TAPT1: variants seen among roughly 807,000 people sequenced by gnomAD.
TAPT1 encodes transmembrane anterior posterior transformation 1.
In TAPT1, 28 loss-of-function variants were observed where a neutral mutation model predicts 65.6. The observed-to-expected ratio is 0.43, with a 90% confidence interval of 0.32 to 0.59. The LOEUF (loss-of-function observed/expected upper bound fraction) is 0.59. TAPT1 is among the 20% of genes least tolerant of loss of function. The pLI is 0.09. For synonymous variants in TAPT1, 278 were observed against 245.2 expected, an observed-to-expected ratio of 1.13 and a Z score of -1.25; for missense variants, 563 against 679.9, an observed-to-expected ratio of 0.83 and a Z score of 1.91.
intron 3 of TAPT1, 45 bp downstream of exon 3, chr4:16,202,417 A>T (rs1422195480): frequency 1.7e-6 from 2 of 1,179,710 alleles, no homozygotes; most frequent in Admixed American, 2.1e-5. Context: ...TATTAAAAAT[A>T]ATGAAATACT....
At chr4:16,219,339 C>T (rs1023029455) in intron 1 of TAPT1, among the ~76,000 whole-genome samples, 1 of 152,188 alleles carries the variant, frequency 6.6e-6, no homozygotes, top group African/African-American at 2.4e-5. Flanking sequence ...TTTACCTGTG[C>T]TCCCACTGCA....
At chr4:16,222,102 G>A (rs1315353789) in intron 1 of TAPT1, among the ~76,000 whole-genome samples, 1 of 152,196 alleles carries the variant, frequency 6.6e-6, no homozygotes, top group Non-Finnish European at 1.5e-5. Context: ...TTACAAATGA[G>A]AATAGAATAT....
At chr4:16,180,100 T>C (rs1009617029) in intron 7 of TAPT1, among the ~76,000 whole-genome samples, 17 of 152,162 alleles carry the variant, frequency 1.1e-4, no homozygotes, top group Non-Finnish European at 2.2e-4. Flanking sequence ...TGGTAAATAG[T>C]ACACAATTAC....
intron 3 of TAPT1, among the ~76,000 whole-genome samples, chr4:16,201,544 G>A (rs750620516): frequency 2.6e-5 from 4 of 152,144 alleles, no homozygotes; most frequent in Non-Finnish European, 5.9e-5. Flanking sequence ...ATGCTGTGAA[G>A]AGTGACTATA....
At chr4:16,186,463 GC>G (rs1260247657) in intron 7 of TAPT1, 71 bp downstream of exon 7, 2 of 952,512 alleles carry the variant, frequency 2.1e-6, no homozygotes, top group Admixed American at 4.7e-5. Context: ...GAGAAAATGT[GC>G]CATTAGGATT....
intron 3 of TAPT1, 47 bp from the exon 4 acceptor site, chr4:16,191,570 T>C: frequency 1.3e-6 from 2 of 1,508,824 alleles, no homozygotes; most frequent in Non-Finnish European, 1.8e-6. Flanking sequence ...ACTCTGTATG[T>C]TCTCACAAAA....
chr4:16,221,987 CATTT>C (rs1751280703), intron 1 of TAPT1, among the ~76,000 whole-genome samples: 1 of 152,106 alleles, frequency 6.6e-6, no homozygotes, highest in African/African-American at 2.4e-5. Flanking sequence ...TTTATAGTCT[CATTT>C]AGAGGAGTAA....
upstream of TAPT1, chr4:16,226,526 C>G: frequency 1.1e-6 from 1 of 952,192 alleles, no homozygotes; most frequent in East Asian, 9.8e-5. Context: ...CCCCTCCCCG[C>G]CTCGCCCCGC....
chr4:16,166,021 G>A lies in TAPT1; in HGVS notation c.1474+612C>T, dbSNP rs187831337. On this transcript the variant is annotated intron_variant, in intron 13 of 13. Transcript: ENST00000405303. ...TCATAACAGCCTGCAGCTCTCCATG[G>A]TCCCCAAGACCCCCTCTCCAGTCCT... Among the ~76,000 whole-genome samples, 478 of 152,250 alleles carry A rather than the reference G, an allele frequency of 3.1e-3. 3 individuals are homozygous for A. The highest frequency in any genetic ancestry group is 0.011 in the African/African-American group (449 of 41,536).
intron 8 of TAPT1, chr4:16,176,438 C>T (rs950484868): frequency 3.5e-5 from 12 of 341,340 alleles, no homozygotes; most frequent in South Asian, 7.0e-5. Flanking sequence ...TCAGGCCCGG[C>T]GCAGTGGCTC....
At chr4:16,219,270 C>G (rs1404845224) in intron 1 of TAPT1, among the ~76,000 whole-genome samples, 4 of 152,138 alleles carry the variant, frequency 2.6e-5, no homozygotes, top group Non-Finnish European at 5.9e-5. Context: ...GCCTCAAGTG[C>G]CTTTGTAAAC....
chr4:16,177,024 C>G (rs1748376789), intron 8 of TAPT1, among the ~76,000 whole-genome samples: 1 of 152,138 alleles, frequency 6.6e-6, no homozygotes, highest in South Asian at 2.1e-4. Context: ...TATATTTGCT[C>G]ACCATTATGA....
chr4:16,164,964 C>G (rs1024492289), intron 13 of TAPT1, among the ~76,000 whole-genome samples: 2 of 152,142 alleles, frequency 1.3e-5, no homozygotes, highest in Non-Finnish European at 2.9e-5. Flanking sequence ...GCCCAACTCT[C>G]CTCTCCTCCC....
At chr4:16,227,334 C>T (rs141002726), upstream of TAPT1, 1,858 of 456,268 alleles carry the variant, frequency 4.1e-3, 30 homozygotes, top group African/African-American at 0.035. Flanking sequence ...GGGGCTGGAC[C>T]TCCCCTTTCC....
intron 1 of TAPT1, among the ~76,000 whole-genome samples, chr4:16,218,389 A>T (rs1220238054): frequency 1.3e-5 from 2 of 152,232 alleles, no homozygotes; most frequent in Non-Finnish European, 2.9e-5. Flanking sequence ...GGGTGACAAG[A>T]GTGAAACTCC....
chr4:16,164,528 G>A (rs774132941), intron 13 of TAPT1, among the ~76,000 whole-genome samples: 2 of 152,130 alleles, frequency 1.3e-5, no homozygotes, highest in Non-Finnish European at 2.9e-5. Context: ...CCTGCAGTAC[G>A]TGCTTAAAGC....
intron 3 of TAPT1, among the ~76,000 whole-genome samples, chr4:16,201,404 T>C (rs1421338646): frequency 6.6e-6 from 1 of 152,304 alleles, no homozygotes; most frequent in South Asian, 2.1e-4. Flanking sequence ...ACAGTCACCA[T>C]AGTTCAATGA....
At chr4:16,221,497 A>G (rs1021589807) in intron 1 of TAPT1, among the ~76,000 whole-genome samples, 11 of 152,212 alleles carry the variant, frequency 7.2e-5, no homozygotes, top group African/African-American at 2.7e-4. Flanking sequence ...TTAAATTCAG[A>G]AAAAGCATAG....
chr4:16,167,987 G>T (rs1423880925), intron 12 of TAPT1, among the ~76,000 whole-genome samples: 1 of 152,010 alleles, frequency 6.6e-6, no homozygotes, highest in Non-Finnish European at 1.5e-5. Flanking sequence ...TATGACTACA[G>T]AAATAAAATT....
Sources: allele counts gnomAD v4.1 joint callset (sites outside exome capture counted in the v4.1 genomes callset), GRCh38; gene constraint gnomAD v4.1.1; transcripts MANE v1.5; gene names NCBI Gene and HGNC (gene_info 2026-07-23, HGNC 2026-07-21).